Variants in TRIM37 observed in about 807,000 individuals in gnomAD.
The protein encoded by TRIM37 is E3 ubiquitin-protein ligase TRIM37.
Under a neutral mutation model 129.8 loss-of-function variants are expected in TRIM37, and 80 were observed. The ratio of observed to expected loss-of-function variants is 0.62; its 90% CI spans 0.51 to 0.74. The LOEUF (loss-of-function observed/expected upper bound fraction) is 0.74. TRIM37 is among the 30% of genes least tolerant of loss of function. TRIM37 has a pLI of 0.00. For synonymous variants in TRIM37, 389 were observed against 387.1 expected (o/e 1.00, Z -0.06); for missense variants, 1,054 against 1,176.5 (o/e 0.90, Z 1.52).
At chr17:58,982,531 C>T, downstream of TRIM37, 1 of 209,382 alleles carries the variant, frequency 4.8e-6, no homozygotes, top group Non-Finnish European at 9.7e-6. Context: ...GTACACGTTC[C>T]CCAGGCCCAT....
At chr17:59,072,747 C>CAA (rs34205408) in intron 8 of TRIM37, among the ~76,000 whole-genome samples, 47 of 132,142 alleles carry the variant, frequency 3.6e-4, no homozygotes, top group East Asian at 3.1e-3. Flanking sequence ...GACTCTGTCT[C>CAA]AAAAAAAAAA....
intron 2 of TRIM37, among the ~76,000 whole-genome samples, chr17:59,100,978 C>T (rs185737997): frequency 5.2e-4 from 77 of 148,256 alleles, no homozygotes; most frequent in African/African-American, 1.8e-3. Context: ...GCGGAGATCG[C>T]GTCATTGCAC....
At position 59,067,897 on chromosome 17, in the gene TRIM37, G is replaced by A. The variant is rs148914163; in HGVS notation, c.809+2926C>T. On this transcript the variant is annotated intron_variant, in intron 9 of 23. Coordinates refer to ENST00000262294, the MANE Select transcript of TRIM37 (RefSeq NM_015294.6). ...CACCTACAACAATACTGGGCACATA[G>A]TCTTTAATAAATAACACTTCACTGA... Among the ~76,000 whole-genome samples the A allele has an allele frequency of 2.4e-3, 361 of 152,328 alleles. 4 individuals carry two copies. Among genetic ancestry groups the A allele is most frequent in the African/African-American group, 8.3e-3 (345 of 41,574 alleles).
In TRIM37 at chr17:59,106,833, A is replaced by G; in HGVS notation, c.-372T>C. 2.4e-6 allele frequency: 1 copy of G among 413,806 alleles called. No individual in the cohort carries two copies. Among genetic ancestry groups the G allele is most frequent in the Non-Finnish European group, 4.4e-6 (1 of 227,692 alleles). 25.6% of individuals were successfully genotyped at this position (413,806 alleles called of 1,614,324 possible). A position where few individuals can be genotyped will look rare whatever the true frequency, so the allele number is the denominator to read the frequency against. On this transcript the variant is annotated 5_prime_UTR_variant, in exon 1 of 24. Transcript: ENST00000262294. ...AAGGTGCCGCAGAGAATTCGCAAAC[A>G]CCAACCGTAACCAGAGCAGCTGGGG...
chr17:59,012,060 T>C (rs929697593), intron 22 of TRIM37, among the ~76,000 whole-genome samples: 15 of 152,326 alleles, frequency 9.8e-5, no homozygotes, highest in African/African-American at 3.6e-4. Context: ...TCCTTTTATA[T>C]AGTAACTTAC....
intron 22 of TRIM37, 137 bp from the exon 23 acceptor site, chr17:59,001,851 TAACAA>T: frequency 1.6e-6 from 2 of 1,256,016 alleles, no homozygotes; most frequent in African/African-American, 1.5e-5. Flanking sequence ...AACTAAACAC[TAACAA>T]AACAAAGACA....
intron 14 of TRIM37, among the ~76,000 whole-genome samples, chr17:59,050,750 T>A (rs1298246608): frequency 6.6e-6 from 1 of 151,952 alleles, no homozygotes; most frequent in Non-Finnish European, 1.5e-5. Flanking sequence ...GAGGCCGAGG[T>A]GGGCAGATCA....
At chr17:59,049,524 A>G (rs1329129518) in intron 14 of TRIM37, 131 bp from the exon 15 acceptor site, 31 of 860,024 alleles carry the variant, frequency 3.6e-5, no homozygotes, top group Non-Finnish European at 5.6e-5. Flanking sequence ...GAATGGTCTC[A>G]CTCTGTTGCC....
At chr17:58,981,650 G>C (rs1567902041), downstream of TRIM37, 1 of 152,564 alleles carries the variant, frequency 6.6e-6, no homozygotes, top group Non-Finnish European at 1.5e-5. Flanking sequence ...AAGATTTACG[G>C]ATTTTTTTCC....
intron 17 of TRIM37, among the ~76,000 whole-genome samples, chr17:59,036,880 A>C (rs146136424): frequency 0.012 from 1,876 of 152,162 alleles, 24 homozygotes; most frequent in Non-Finnish European, 0.019. Flanking sequence ...TGGGAGGCTG[A>C]GGCGGGTGGA....
the TRIM37 span, among the ~76,000 whole-genome samples, chr17:58,977,450 A>AG: frequency 2.6e-5 from 4 of 152,024 alleles, no homozygotes; most frequent in African/African-American, 4.8e-5. Context: ...CAAAAAAAAA[A>AG]AAAAAAGAAA....
intron 17 of TRIM37, among the ~76,000 whole-genome samples, chr17:59,036,483 T>TGTGC (rs929536364): frequency 0.014 from 2,025 of 148,972 alleles, 44 homozygotes; most frequent in African/African-American, 0.047. Flanking sequence ...TGTGTGTGTG[T>TGTGC]GCACGCGTGT....
chr17:59,041,893 C>T lies in TRIM37; in HGVS notation c.1673G>A (p.Gly558Glu). 1 of 1,611,020 alleles carries T rather than the reference C, an allele frequency of 6.2e-7. No homozygotes were observed. Among genetic ancestry groups the T allele is most frequent in the Non-Finnish European group, 8.5e-7 (1 of 1,177,428 alleles). Residue 558 changes from glycine (G) to glutamate (E), a missense_variant, in exon 17 of 24, where the codon GGA becomes GAA. This residue lies in a region of TRIM37 where 752 missense variants were observed against 870.8 expected (regional missense o/e 0.86). Transcript: ENST00000262294. ...GTTGTTATATTCCACATCATTTTCT[C>T]CAGACCTAAGAATATACAAAATCCA... ...ENDIDEETMS[G>E]ENDVEYNNME...
At chr17:59,016,288 G>A (rs1442266388) in intron 20 of TRIM37, among the ~76,000 whole-genome samples, 1 of 151,180 alleles carries the variant, frequency 6.6e-6, no homozygotes, top group Non-Finnish European at 1.5e-5. Context: ...CAGTTACTCA[G>A]GAGACTGAGG....
At chr17:59,018,481 T>C (rs1464945870) in intron 19 of TRIM37, among the ~76,000 whole-genome samples, 1 of 152,198 alleles carries the variant, frequency 6.6e-6, no homozygotes, top group African/African-American at 2.4e-5. Flanking sequence ...AGAATGAAGT[T>C]AAGAAAACAA....
Position 59,081,194 on chromosome 17 carries a change from A to G in TRIM37, c.395T>C (p.Leu132Ser). ...GMHGGHTFKP[L>S]AEIYEQHVTK... is the part of the protein sequence containing the mutation. ...GACGTGTTGCTCATAAATTTCTGCC[A>G]AAGGTTTAAAGGTATGTCCGCCATG... The change falls in exon 6 of 24, where the codon TTG becomes TCG. Residue 132 changes from leucine (L) to serine (S), a missense_variant. This residue lies in a region of TRIM37 where 752 missense variants were observed against 870.8 expected (regional missense o/e 0.86). Coordinates refer to ENST00000262294, the MANE Select transcript of TRIM37 (RefSeq NM_015294.6). 6.2e-7 allele frequency: 1 copy of G among 1,613,894 alleles called. No individual in the cohort carries two copies. The highest frequency in any genetic ancestry group is 1.1e-5 in the South Asian group (1 of 91,082).
intron 22 of TRIM37, among the ~76,000 whole-genome samples, chr17:59,004,488 CA>C (rs1160878982): frequency 2.0e-5 from 3 of 151,172 alleles, no homozygotes; most frequent in Admixed American, 6.6e-5. Flanking sequence ...ACAAAAAAAC[CA>C]CAATGAAACA....
chr17:59,090,041 A>C (rs1040165846), intron 3 of TRIM37: 1 of 152,210 alleles, frequency 6.6e-6, no homozygotes, highest in Non-Finnish European at 1.5e-5. Context: ...TCGAGGCTGC[A>C]GTGAGCTGAA....
At chr17:59,088,161 A>G in intron 4 of TRIM37, 130 bp downstream of exon 4, 1 of 677,590 alleles carries the variant, frequency 1.5e-6, no homozygotes, top group South Asian at 1.7e-5. Context: ...CGCATGACTG[A>G]AAGAATTAAA....
Sources: gnomAD v4.1 joint callset for allele counts (sites outside exome capture counted in the v4.1 genomes callset) on GRCh38, gnomAD v4.1.1 for gene constraint, gnomAD v4.1.1 regional missense constraint, MANE v1.5 for transcripts, NCBI Gene and HGNC (gene_info 2026-07-23, HGNC 2026-07-21) for gene names.